The following EML4 variants were observed in gnomAD, a reference collection of about 807,000 sequenced individuals.
EML4 encodes EMAP like 4.
EML4 carries 72 observed loss-of-function variants against 129.0 expected under a neutral mutation model. That is an observed-to-expected ratio of 0.56 (90% confidence interval 0.46 to 0.68). The LOEUF (loss-of-function observed/expected upper bound fraction) is 0.68, where lower values mean the gene tolerates loss of function less well. EML4 is among the 30% of genes least tolerant of loss of function. The pLI is 0.00. For missense variants in EML4, 1,363 were observed against 1,190.6 expected (o/e 1.14, Z -2.13); for synonymous variants, 532 against 405.0 (o/e 1.31, Z -3.77).
At chr2:42,316,971 C>T (rs545736475) in intron 18 of EML4, among the ~76,000 whole-genome samples, 3 of 152,246 alleles carry the variant, frequency 2.0e-5, no homozygotes, top group Non-Finnish European at 2.9e-5. Flanking sequence ...CCAGAGATGA[C>T]GTGGACTTTA....
intron 1 of EML4, among the ~76,000 whole-genome samples, chr2:42,211,332 A>G (rs1412894595): frequency 6.6e-6 from 1 of 152,208 alleles, no homozygotes; most frequent in Non-Finnish European, 1.5e-5. Flanking sequence ...TGAATAGAAT[A>G]AAAGGAAGAA....
chr2:42,210,197 A>T (rs892137707), intron 1 of EML4, among the ~76,000 whole-genome samples: 180 of 152,092 alleles, frequency 1.2e-3, no homozygotes, highest in African/African-American at 4.2e-3. Context: ...TCCAGTTGTC[A>T]TATCTCCGTA....
At chr2:42,193,528 A>T (rs1228720445) in intron 1 of EML4, among the ~76,000 whole-genome samples, 1 of 152,230 alleles carries the variant, frequency 6.6e-6, no homozygotes, top group East Asian at 1.9e-4. Flanking sequence ...GGCCAAACCC[A>T]ATCTGATGCT....
At chr2:42,290,888 C>T (rs954250644) in intron 11 of EML4, among the ~76,000 whole-genome samples, 1 of 152,046 alleles carries the variant, frequency 6.6e-6, no homozygotes, top group Admixed American at 6.5e-5. Context: ...ATACATTTAG[C>T]AGAGTCAAAA....
At chr2:42,235,014 G>A (rs1463086707) in intron 1 of EML4, among the ~76,000 whole-genome samples, 2 of 152,088 alleles carry the variant, frequency 1.3e-5, no homozygotes, top group African/African-American at 4.8e-5. Context: ...AAAATTAGCG[G>A]GTCAGGCATG....
intron 1 of EML4, among the ~76,000 whole-genome samples, chr2:42,188,140 CAT>C (rs1416747166): frequency 6.6e-6 from 1 of 152,180 alleles, no homozygotes; most frequent in East Asian, 1.9e-4. Flanking sequence ...CAACAGACCA[CAT>C]ATGTGTAGAT....
At chr2:42,288,655 TCTTTA>T (rs1250060519) in intron 11 of EML4, 1 of 158,212 alleles carries the variant, frequency 6.3e-6, no homozygotes, top group East Asian at 1.8e-4. Flanking sequence ...TTTCATTCCA[TCTTTA>T]AAGCTTTAGA....
chr2:42,259,167 A>C (rs976668263), intron 3 of EML4, among the ~76,000 whole-genome samples: 2 of 151,932 alleles, frequency 1.3e-5, no homozygotes, highest in Non-Finnish European at 1.5e-5. Flanking sequence ...GAATTGCTTG[A>C]ACCTTGGAGA....
intron 1 of EML4, among the ~76,000 whole-genome samples, chr2:42,218,796 A>G (rs1183583447): frequency 6.6e-5 from 10 of 152,194 alleles, no homozygotes; most frequent in African/African-American, 2.4e-4. Flanking sequence ...AACCAGTAGT[A>G]TGGTAGTGGC....
intron 11 of EML4, among the ~76,000 whole-genome samples, chr2:42,293,237 G>C (rs987921771): frequency 2.0e-5 from 3 of 151,722 alleles, no homozygotes; most frequent in African/African-American, 7.3e-5. Context: ...AGCCTCCCAA[G>C]TAGCTAAAAC....
At chr2:42,297,403 G>C (rs539470787) in intron 13 of EML4, among the ~76,000 whole-genome samples, 13 of 152,260 alleles carry the variant, frequency 8.5e-5, no homozygotes, top group Admixed American at 2.6e-4. Flanking sequence ...ACAGGAAGAA[G>C]AGGTTCAGAG....
intron 1 of EML4, among the ~76,000 whole-genome samples, chr2:42,241,211 C>T (rs1377512672): frequency 6.6e-6 from 1 of 151,700 alleles, no homozygotes; most frequent in African/African-American, 2.4e-5. Flanking sequence ...AGAGTTAATG[C>T]ACTATTCTAC....
intron 1 of EML4, among the ~76,000 whole-genome samples, chr2:42,211,142 C>T (rs547097235): frequency 6.6e-6 from 1 of 152,246 alleles, no homozygotes; most frequent in South Asian, 2.1e-4. Flanking sequence ...GTACCTACCA[C>T]AGTAGATAGT....
intron 6 of EML4, among the ~76,000 whole-genome samples, chr2:42,271,179 C>G (rs1387267409): frequency 6.6e-6 from 1 of 152,224 alleles, no homozygotes; most frequent in East Asian, 1.9e-4. Context: ...TGGGCATGAG[C>G]CACTGTGCCT....
chr2:42,196,369 T>C (rs1249270874), intron 1 of EML4, among the ~76,000 whole-genome samples: 3 of 152,194 alleles, frequency 2.0e-5, no homozygotes, highest in African/African-American at 7.2e-5. Flanking sequence ...AGGTTAGGAG[T>C]GCCAATCATT....
chr2:42,172,962 C>G (rs1053258275), intron 1 of EML4, among the ~76,000 whole-genome samples: 1 of 152,116 alleles, frequency 6.6e-6, no homozygotes, highest in Non-Finnish European at 1.5e-5. Flanking sequence ...TATACCTAAC[C>G]AGTCAGCTTT....
chr2:42,306,885 C>T (rs1228179055), intron 17 of EML4, among the ~76,000 whole-genome samples: 1 of 152,022 alleles, frequency 6.6e-6, no homozygotes, highest in Non-Finnish European at 1.5e-5. Context: ...AAACCAAGAC[C>T]CATAGAGTTC....
chr2:42,175,583 C>G (rs1028689487), intron 1 of EML4, among the ~76,000 whole-genome samples: 1 of 151,980 alleles, frequency 6.6e-6, no homozygotes, highest in South Asian at 2.1e-4. Context: ...ACTGCAACTT[C>G]TGCCTCCTGG....
At chr2:42,325,972 GT>G (rs1398646236) in intron 20 of EML4, 181 bp from the exon 21 acceptor site, 1 of 501,304 alleles carries the variant, frequency 2.0e-6, no homozygotes, top group Non-Finnish European at 2.6e-6. Flanking sequence ...ATGGGAAACA[GT>G]TTGTAGTTTT....
Sources: gnomAD v4.1 joint callset for allele counts (sites outside exome capture counted in the v4.1 genomes callset) on GRCh38, gnomAD v4.1.1 for gene constraint, MANE v1.5 for transcripts, NCBI Gene and HGNC (gene_info 2026-07-23, HGNC 2026-07-21) for gene names.